PPP3CA: variants seen among roughly 807,000 people sequenced by gnomAD.
PPP3CA encodes the protein protein phosphatase 3 catalytic subunit alpha.
A neutral mutation model predicts 66.5 loss-of-function variants in PPP3CA; 14 were observed. The ratio of observed to expected loss-of-function variants is 0.21; its 90% CI spans 0.14 to 0.33. The LOEUF (loss-of-function observed/expected upper bound fraction) is 0.33, where lower values mean the gene tolerates loss of function less well. Among genes scored for constraint, PPP3CA ranks in the 10% least tolerant of loss-of-function variants. PPP3CA has a pLI of 1.00. For synonymous variants in PPP3CA, 232 were observed against 226.2 expected (o/e 1.03, Z -0.23); for missense variants, 317 against 639.5 (o/e 0.50, Z 5.44).
intron 1 of PPP3CA, among the ~76,000 whole-genome samples, chr4:101,322,231 C>T (rs1729061958): frequency 6.6e-6 from 1 of 152,066 alleles, no homozygotes; most frequent in Admixed American, 6.6e-5. Flanking sequence ...TATGTCTCCA[C>T]AAAATTCATA....
In PPP3CA at chr4:101,082,955, C is replaced by T. The variant is rs1729500963; in HGVS notation, c.860+231G>A. Among the ~76,000 whole-genome samples, 7 of 152,134 alleles carry T rather than the reference C, an allele frequency of 4.6e-5. No homozygotes were observed. The South Asian group carries it at 1.4e-3, about 31-fold the overall frequency. ...CTTAAGAAATCAAGCTGAAAATGGA[C>T]TTGTTCAGGCTAAAGATGTAAGAAC... On this transcript the variant is annotated intron_variant, in intron 7 of 13. Coordinates refer to ENST00000394854, the MANE Select transcript of PPP3CA (RefSeq NM_000944.5).
rs188746990 is a variant in PPP3CA, at chr4:101,308,690, C to T, written c.58+38049G>A. Among the ~76,000 whole-genome samples the T allele has an allele frequency of 1.5e-3, 231 of 152,248 alleles. 1 individual carries two copies. The highest frequency in any genetic ancestry group is 5.3e-3 in the African/African-American group (219 of 41,564). On this transcript the variant is annotated intron_variant, in intron 1 of 13. Coordinates refer to ENST00000394854, the MANE Select transcript of PPP3CA (RefSeq NM_000944.5). Reference sequence around the variant, plus strand: ...TCAAGAGGTCCTCTCACTCTCAAAGCACTGGGAGTGCAGGTGTGAACCACC... The same window carrying T: ...TCAAGAGGTCCTCTCACTCTCAAAGTACTGGGAGTGCAGGTGTGAACCACC...
intron 1 of PPP3CA, among the ~76,000 whole-genome samples, chr4:101,310,662 A>C (rs568005590): frequency 6.6e-6 from 1 of 152,324 alleles, no homozygotes; most frequent in East Asian, 1.9e-4. Flanking sequence ...GACAGAGAGA[A>C]ACACTCTGAA....
chr4:101,083,078 C>A, intron 7 of PPP3CA, 108 bp downstream of exon 7: 1 of 769,722 alleles, frequency 1.3e-6, no homozygotes, highest in Non-Finnish European at 1.9e-6. Context: ...GCTCTAATTC[C>A]TTTTGGGAGT....
intron 2 of PPP3CA, among the ~76,000 whole-genome samples, chr4:101,118,574 TG>T (rs1721921758): frequency 6.6e-6 from 1 of 152,092 alleles, no homozygotes; most frequent in African/African-American, 2.4e-5. Flanking sequence ...CTGGTTTTTA[TG>T]TGTATTCCTC....
At chr4:101,029,272 G>T in intron 12 of PPP3CA, 77 bp from the exon 13 acceptor site, 2 of 1,257,400 alleles carry the variant, frequency 1.6e-6, no homozygotes, top group South Asian at 2.4e-5. Context: ...ACAAATCAGT[G>T]ACCATCAAAG....
At chr4:101,324,888 T>C (rs922846086) in intron 1 of PPP3CA, among the ~76,000 whole-genome samples, 2 of 152,216 alleles carry the variant, frequency 1.3e-5, no homozygotes, top group Admixed American at 6.5e-5. Context: ...TCATTTTCAA[T>C]ATATGATTTA....
chr4:101,068,522 A>G (rs536486983), intron 8 of PPP3CA, among the ~76,000 whole-genome samples: 9 of 152,004 alleles, frequency 5.9e-5, no homozygotes, highest in Admixed American at 5.9e-4. Flanking sequence ...AAAAATCTGT[A>G]TTTTCTCATA....
At chr4:101,194,075 C>T (rs1262199841) in intron 2 of PPP3CA, among the ~76,000 whole-genome samples, 1 of 152,166 alleles carries the variant, frequency 6.6e-6, no homozygotes, top group African/African-American at 2.4e-5. Flanking sequence ...CAGTAACTTA[C>T]AGAGTAAGTC....
At chr4:101,277,128 T>C (rs1008092260) in intron 1 of PPP3CA, among the ~76,000 whole-genome samples, 1 of 152,200 alleles carries the variant, frequency 6.6e-6, no homozygotes, top group Non-Finnish European at 1.5e-5. Context: ...ATTTTTGCCT[T>C]TTCCATAATA....
intron 1 of PPP3CA, among the ~76,000 whole-genome samples, chr4:101,272,722 G>A (rs1264735327): frequency 3.9e-5 from 6 of 152,132 alleles, no homozygotes; most frequent in Non-Finnish European, 5.9e-5. Context: ...ACTTGAAACG[G>A]TGCCTGGCAC....
chr4:101,108,770 AAAAC>A (rs756926536), intron 3 of PPP3CA, among the ~76,000 whole-genome samples, 180 bp downstream of exon 3: 26 of 152,368 alleles, frequency 1.7e-4, no homozygotes, highest in African/African-American at 6.3e-4. Flanking sequence ...CTCCGTCTCA[AAAAC>A]AAACAAACAA....
At chr4:101,118,778 C>T (rs893163973) in intron 2 of PPP3CA, among the ~76,000 whole-genome samples, 11 of 151,944 alleles carry the variant, frequency 7.2e-5, no homozygotes, top group East Asian at 1.9e-4. Context: ...AATGCATAGA[C>T]TTCTAATTTG....
intron 2 of PPP3CA, among the ~76,000 whole-genome samples, chr4:101,185,935 G>A (rs1724396107): frequency 6.6e-6 from 1 of 152,130 alleles, no homozygotes; most frequent in South Asian, 2.1e-4. Context: ...ATCTCCCAGA[G>A]TTACTGCTGA....
At chr4:101,247,939 T>C (rs537057438) in intron 1 of PPP3CA, among the ~76,000 whole-genome samples, 2 of 152,074 alleles carry the variant, frequency 1.3e-5, no homozygotes, top group Non-Finnish European at 2.9e-5. Flanking sequence ...TATGTGTGTA[T>C]ACACACACAC....
intron 3 of PPP3CA, among the ~76,000 whole-genome samples, chr4:101,108,330 A>G (rs780193576): frequency 1.3e-5 from 2 of 152,250 alleles, no homozygotes; most frequent in Non-Finnish European, 2.9e-5. Flanking sequence ...TGCTTATTTG[A>G]TCAACATTGA....
At chr4:101,293,847 T>C (rs75433240) in intron 1 of PPP3CA, among the ~76,000 whole-genome samples, 3,269 of 152,340 alleles carry the variant, frequency 0.021, 98 homozygotes, top group African/African-American at 0.06. Flanking sequence ...CTTTGCTTTA[T>C]TGTTTGCTTA....
intron 3 of PPP3CA, among the ~76,000 whole-genome samples, chr4:101,103,874 T>A (rs1204289826): frequency 1.3e-5 from 2 of 152,182 alleles, no homozygotes; most frequent in Non-Finnish European, 2.9e-5. Context: ...TCAAAGAGAT[T>A]AGGTACTGTA....
intron 1 of PPP3CA, among the ~76,000 whole-genome samples, chr4:101,245,744 C>T (rs1333020310): frequency 2.0e-5 from 3 of 151,982 alleles, no homozygotes; most frequent in African/African-American, 2.4e-5. Context: ...AAAATACAGA[C>T]GGCCCATCAG....
Sources: allele counts gnomAD v4.1 joint callset (sites outside exome capture counted in the v4.1 genomes callset), GRCh38; gene constraint gnomAD v4.1.1; transcripts MANE v1.5; gene names NCBI Gene and HGNC (gene_info 2026-07-23, HGNC 2026-07-21).